MCUR1: variants seen among roughly 807,000 people sequenced by gnomAD.
MCUR1 encodes the protein MCU regulator 1.
MCUR1 carries 37 observed loss-of-function variants against 42.0 expected under a neutral mutation model. The ratio of observed to expected loss-of-function variants is 0.88; its 90% CI spans 0.68 to 1.16. MCUR1 has a LOEUF of 1.16. Among genes scored for constraint, MCUR1 ranks in the 50% most tolerant of loss-of-function variants. The probability of loss-of-function intolerance (pLI) is 0.00; values close to 1 mark genes in which losing one functional copy is unlikely to be tolerated. For synonymous variants in MCUR1, 229 were observed against 196.2 expected (o/e 1.17, Z -1.40); for missense variants, 469 against 468.4 (o/e 1.00, Z -0.01).
chr6:13,787,381 A>G lies in MCUR1; in HGVS notation c.*3428T>C, dbSNP rs577421303. ...CTTAACGGAAAAAGCGAGTACATTCAGATTTAGTTTTGCTAGATATTAAAC... is the reference window on the plus strand; with the variant it reads ...CTTAACGGAAAAAGCGAGTACATTCGGATTTAGTTTTGCTAGATATTAAAC... On this transcript the variant is annotated 3_prime_UTR_variant, in exon 9 of 9. Coordinates refer to ENST00000379170, the MANE Select transcript of MCUR1 (RefSeq NM_001031713.4). 1.3e-5 allele frequency: 2 copies of G among 152,354 alleles called. No individual in the cohort carries two copies. Among genetic ancestry groups the G allele is most frequent in the South Asian group, 4.1e-4 (2 of 4,826 alleles). The allele number at this position is 152,354 out of a possible 1,614,324, so 9.4% of individuals were successfully genotyped here. A position where few individuals can be genotyped will look rare whatever the true frequency, so the allele number is the denominator to read the frequency against.
chr6:13,794,268 A>C (rs1030380050), intron 6 of MCUR1, among the ~76,000 whole-genome samples: 2 of 152,056 alleles, frequency 1.3e-5, no homozygotes, highest in Non-Finnish European at 2.9e-5. Flanking sequence ...TCTTATTTAT[A>C]CTTACTCATT....
intron 5 of MCUR1, 68 bp from the exon 6 acceptor site, chr6:13,798,972 G>A: frequency 1.1e-6 from 1 of 924,888 alleles, no homozygotes; most frequent in African/African-American, 1.6e-5. Context: ...ATGAGGACGT[G>A]ACACTGGGAC....
Position 13,791,865 on chromosome 6 carries a change from CA to C in MCUR1, c.1024+12del. 1 of 1,578,104 alleles carries C rather than the reference CA, an allele frequency of 6.3e-7. No individual in the cohort carries two copies. Among genetic ancestry groups the C allele is most frequent in the South Asian group, 1.1e-5 (1 of 88,950 alleles). Reference sequence around the variant, plus strand: ...CTTTTCAGGTTGATTTAAATAGATACAAAATAGCTTACCTGCTAAATATTTA... The same window carrying C: ...CTTTTCAGGTTGATTTAAATAGATACAAATAGCTTACCTGCTAAATATTTA... On this transcript the variant is annotated intron_variant, in intron 8 of 8. Transcript: ENST00000379170.
intron 1 of MCUR1, among the ~76,000 whole-genome samples, chr6:13,813,655 C>T (rs1269583727): frequency 6.6e-6 from 1 of 152,214 alleles, no homozygotes; most frequent in South Asian, 2.1e-4. Context: ...AACATACACA[C>T]CCCTTCCCCT....
intron 2 of MCUR1, among the ~76,000 whole-genome samples, chr6:13,802,770 C>T (rs779576228): frequency 1.8e-4 from 27 of 151,888 alleles, no homozygotes; most frequent in Non-Finnish European, 2.9e-4. Flanking sequence ...AGATTTTCTA[C>T]GGTGGACAAT....
intron 1 of MCUR1, among the ~76,000 whole-genome samples, chr6:13,811,708 T>C (rs1314790687): frequency 6.6e-6 from 1 of 152,164 alleles, no homozygotes; most frequent in Non-Finnish European, 1.5e-5. Context: ...GAATGACTTG[T>C]GAAGAGTGAC....
intron 2 of MCUR1, 30 bp from the exon 3 acceptor site, chr6:13,802,376 T>C: frequency 1.3e-6 from 2 of 1,574,480 alleles, no homozygotes; most frequent in Non-Finnish European, 1.7e-6. Context: ...AAAAAAATCA[T>C]GCTCAGAGTT....
At chr6:13,803,496 A>G (rs997074397) in intron 2 of MCUR1, among the ~76,000 whole-genome samples, 1 of 152,246 alleles carries the variant, frequency 6.6e-6, no homozygotes, top group Non-Finnish European at 1.5e-5. Flanking sequence ...AGAAGAATCT[A>G]TTGATTCCTG....
At chr6:13,803,887 C>T in intron 2 of MCUR1, 1 of 983,276 alleles carries the variant, frequency 1.0e-6, no homozygotes, top group Non-Finnish European at 1.2e-6. Flanking sequence ...AATCCTAACA[C>T]TCTGGGAGAC....
intron 2 of MCUR1, among the ~76,000 whole-genome samples, chr6:13,805,888 A>G (rs1760101843): frequency 6.6e-6 from 1 of 152,234 alleles, no homozygotes; most frequent in African/African-American, 2.4e-5. Flanking sequence ...GTGCATTTTC[A>G]ATGAATGCCA....
chr6:13,806,756 T>A (rs1418550369), intron 2 of MCUR1, among the ~76,000 whole-genome samples, 169 bp downstream of exon 2: 2 of 151,932 alleles, frequency 1.3e-5, no homozygotes, highest in Non-Finnish European at 2.9e-5. Context: ...GCCACTGCAA[T>A]CCAGCCTGGG....
rs539521356 is a variant in MCUR1, at chr6:13,796,678, A to C, written c.855+2155T>G. 3.3e-5 allele frequency among the ~76,000 whole-genome samples: 5 copies of C among 152,360 alleles called. No individual in the cohort carries two copies. The South Asian group carries it at 8.3e-4, about 25-fold the overall frequency. ...TTTGCTGGATGATGTTAATGACTTA[A>C]AATGAGTAAAATCTAAATGTTACAT... On this transcript the variant is annotated intron_variant, in intron 6 of 8. Coordinates refer to ENST00000379170, the MANE Select transcript of MCUR1 (RefSeq NM_001031713.4).
rs1316664840 is a variant in MCUR1, at chr6:13,790,394, T to C, written c.*415A>G. Reference sequence around the variant, plus strand: ...CCACAATTTTCATAAAAATAAATAATACACATTAAGTCAAAATCTGGGCTC... The same window carrying C: ...CCACAATTTTCATAAAAATAAATAACACACATTAAGTCAAAATCTGGGCTC... On this transcript the variant is annotated 3_prime_UTR_variant, in exon 9 of 9. Transcript: ENST00000379170. 6.4e-6 allele frequency: 1 copy of C among 156,446 alleles called. No individual in the cohort carries two copies. The highest frequency in any genetic ancestry group is 1.4e-5 in the Non-Finnish European group (1 of 71,268). 9.7% of individuals were successfully genotyped at this position (156,446 alleles called of 1,614,324 possible).
chr6:13,791,621 A>C (rs538717236), intron 8 of MCUR1, among the ~76,000 whole-genome samples: 73 of 152,208 alleles, frequency 4.8e-4, no homozygotes, highest in Non-Finnish European at 9.1e-4. Context: ...ACTATAGTTC[A>C]ATTATAGTAT....
intron 7 of MCUR1, among the ~76,000 whole-genome samples, chr6:13,793,068 G>T (rs1200130505): frequency 6.9e-6 from 1 of 144,826 alleles, no homozygotes; most frequent in Non-Finnish European, 1.5e-5. Context: ...GGAGGGTGCA[G>T]TGAGCTGAGA....
chr6:13,804,243 A>G, intron 2 of MCUR1: 1 of 197,236 alleles, frequency 5.1e-6, no homozygotes, highest in South Asian at 6.0e-5. Flanking sequence ...GGATCGCTTG[A>G]AACCGGGAGG....
rs539964057 is a variant in MCUR1, at chr6:13,793,161, A to C, written c.909+733T>G. ...AAAAAAAAAAAGAAAGAAGAAAAGG[A>C]AACTTTCATTAAGAAAGTTTAAATC... On this transcript the variant is annotated intron_variant, in intron 7 of 8. Coordinates refer to ENST00000379170, the MANE Select transcript of MCUR1 (RefSeq NM_001031713.4). 1.3e-3 allele frequency among the ~76,000 whole-genome samples: 199 copies of C among 151,634 alleles called. 2 individuals carry two copies. Among genetic ancestry groups the C allele is most frequent in the African/African-American group, 4.7e-3 (194 of 41,362 alleles).
intron 2 of MCUR1, among the ~76,000 whole-genome samples, chr6:13,803,172 C>T (rs574824117): frequency 7.9e-5 from 12 of 152,314 alleles, no homozygotes; most frequent in Admixed American, 7.8e-4. Context: ...AGCCATTCTC[C>T]TGCCTCAGAC....
rs1759699442 is a variant in MCUR1 at position 13,790,347 on chromosome 6, C to T, written c.*462G>A. ...TAAGGAATGGCTATGGAATACCTGA[C>T]TTCTTTATCTTGGTTATGTGTCCAC... On this transcript the variant is annotated 3_prime_UTR_variant, in exon 9 of 9. Transcript: ENST00000379170. The T allele has an allele frequency of 6.5e-6, 1 of 154,862 alleles. No individual in the cohort carries two copies. The highest frequency in any genetic ancestry group is 2.4e-5 in the African/African-American group (1 of 41,438). The allele number at this position is 154,862 out of a possible 1,614,324, so 9.6% of individuals were successfully genotyped here. A position where few individuals can be genotyped will look rare whatever the true frequency, so the allele number is the denominator to read the frequency against.
Sources: gnomAD v4.1 joint callset for allele counts (sites outside exome capture counted in the v4.1 genomes callset) on GRCh38, gnomAD v4.1.1 for gene constraint, MANE v1.5 for transcripts, NCBI Gene and HGNC (gene_info 2026-07-23, HGNC 2026-07-21) for gene names.